The following DLG2 variants were observed in gnomAD, a reference collection of about 807,000 sequenced individuals.
DLG2 encodes discs large MAGUK scaffold protein 2.
Under a neutral mutation model 132.5 loss-of-function variants are expected in DLG2, and 45 were observed. The observed-to-expected ratio is 0.34, with a 90% CI of 0.27 to 0.44. The LOEUF is 0.44. Among genes scored for constraint, DLG2 ranks in the 20% least tolerant of loss-of-function variants. The pLI is 1.00. For synonymous variants in DLG2, 424 were observed against 419.6 expected (o/e 1.01, Z -0.13); for missense variants, 1,045 against 1,196.9 (o/e 0.87, Z 1.87).
chr11:84,375,387 T>A (rs1299060721), intron 7 of DLG2, among the ~76,000 whole-genome samples: 1 of 152,158 alleles, frequency 6.6e-6, no homozygotes, highest in South Asian at 2.1e-4. Context: ...AAACAATATA[T>A]ATAAAACTTA....
At chr11:84,271,178 G>A (rs2097717238) in intron 7 of DLG2, among the ~76,000 whole-genome samples, 1 of 152,164 alleles carries the variant, frequency 6.6e-6, no homozygotes, top group African/African-American at 2.4e-5. Flanking sequence ...TCATGAAATT[G>A]TGATGATATA....
chr11:84,688,092 T>C (rs1198225269), intron 6 of DLG2, among the ~76,000 whole-genome samples: 4 of 152,122 alleles, frequency 2.6e-5, no homozygotes, highest in African/African-American at 9.7e-5. Context: ...TCAGATGACT[T>C]AGCTAAATAG....
At chr11:84,103,768 T>C (rs1436977863) in intron 9 of DLG2, among the ~76,000 whole-genome samples, 1 of 152,168 alleles carries the variant, frequency 6.6e-6, no homozygotes, top group East Asian at 1.9e-4. Context: ...AAAGCCCCAC[T>C]TTTATTAAAA....
chr11:84,720,426 G>A (rs778897812), intron 6 of DLG2: 48 of 985,298 alleles, frequency 4.9e-5, no homozygotes, highest in Non-Finnish European at 5.3e-5. Flanking sequence ...GTGGCAGCTC[G>A]CTGGGGGACC....
At chr11:84,109,947 C>T (rs75210440) in intron 9 of DLG2, among the ~76,000 whole-genome samples, 2,552 of 152,226 alleles carry the variant, frequency 0.017, 75 homozygotes, top group African/African-American at 0.058. Flanking sequence ...GTTGATTCTA[C>T]CCCTGAAATA....
intron 16 of DLG2, among the ~76,000 whole-genome samples, chr11:83,872,155 C>T (rs1047205484): frequency 3.9e-5 from 6 of 152,044 alleles, no homozygotes; most frequent in Non-Finnish European, 7.4e-5. Flanking sequence ...CCCAGCTATT[C>T]GGGAGGCTGA....
At chr11:83,622,787 AT>A (rs532528268) in intron 19 of DLG2, among the ~76,000 whole-genome samples, 17 of 151,888 alleles carry the variant, frequency 1.1e-4, no homozygotes, top group Non-Finnish European at 2.1e-4. Context: ...TAAGATCTCA[AT>A]TTTTTTTGAA....
intron 18 of DLG2, among the ~76,000 whole-genome samples, chr11:83,646,360 A>AGT (rs200274999): frequency 4.7e-5 from 7 of 148,112 alleles, no homozygotes; most frequent in South Asian, 2.1e-4. Context: ...TATGAAACAG[A>AGT]GAGAGAGAGA....
chr11:84,375,641 A>T (rs1408310800), intron 7 of DLG2, among the ~76,000 whole-genome samples: 1 of 151,920 alleles, frequency 6.6e-6, no homozygotes, highest in Non-Finnish European at 1.5e-5. Context: ...ATTAACCTAA[A>T]GGTTGCCTTT....
chr11:85,176,667 T>C (rs2079269599), intron 4 of DLG2, among the ~76,000 whole-genome samples: 1 of 151,944 alleles, frequency 6.6e-6, no homozygotes, highest in Non-Finnish European at 1.5e-5. Context: ...ATCATCAGAG[T>C]GAACAGACAA....
chr11:85,528,242 G>C (rs770216791), intron 3 of DLG2, among the ~76,000 whole-genome samples: 5 of 152,122 alleles, frequency 3.3e-5, no homozygotes, highest in African/African-American at 4.8e-5. Flanking sequence ...TGGTGTGTTA[G>C]TCTTGAAGTC....
intron 6 of DLG2, among the ~76,000 whole-genome samples, chr11:84,759,526 C>A (rs968122626): frequency 3.9e-5 from 6 of 152,164 alleles, no homozygotes; most frequent in African/African-American, 9.7e-5. Context: ...TTATGATAAT[C>A]TATCTTCTTT....
At chr11:85,461,589 ATT>A (rs1028993379) in intron 3 of DLG2, among the ~76,000 whole-genome samples, 1 of 152,086 alleles carries the variant, frequency 6.6e-6, no homozygotes, top group Non-Finnish European at 1.5e-5. Flanking sequence ...GTACTCATTC[ATT>A]TTTTTAACAG....
At chr11:83,895,059 A>C (rs976280967) in intron 15 of DLG2, among the ~76,000 whole-genome samples, 21 of 151,994 alleles carry the variant, frequency 1.4e-4, no homozygotes, top group African/African-American at 5.1e-4. Flanking sequence ...TAAATACTTT[A>C]ATAGGATCAT....
chr11:85,305,224 G>T (rs1200260545), intron 3 of DLG2, among the ~76,000 whole-genome samples: 1 of 152,182 alleles, frequency 6.6e-6, no homozygotes, highest in African/African-American at 2.4e-5. Flanking sequence ...CTCTTTAAAT[G>T]TCACAGGCTA....
chr11:85,433,479 G>A (rs569097199), intron 3 of DLG2, among the ~76,000 whole-genome samples: 3 of 152,240 alleles, frequency 2.0e-5, no homozygotes, highest in African/African-American at 7.2e-5. Context: ...AATTTACCAA[G>A]CAAATGGAAA....
chr11:85,546,161 A>C (rs1301158963), intron 3 of DLG2, among the ~76,000 whole-genome samples: 1 of 152,120 alleles, frequency 6.6e-6, no homozygotes, highest in Non-Finnish European at 1.5e-5. Context: ...CACTGCTTTA[A>C]ATGTGTCCCA....
intron 7 of DLG2, among the ~76,000 whole-genome samples, chr11:84,328,213 A>C (rs1599951825): frequency 6.6e-6 from 1 of 152,108 alleles, no homozygotes; most frequent in Non-Finnish European, 1.5e-5. Flanking sequence ...ACATTATGGT[A>C]ATGAGTCATA....
intron 12 of DLG2, among the ~76,000 whole-genome samples, chr11:83,974,048 GA>G (rs2091823033): frequency 6.6e-6 from 1 of 152,074 alleles, no homozygotes; most frequent in South Asian, 2.1e-4. Flanking sequence ...AAGAATAAAT[GA>G]GGTGTTGTAG....
Sources: gnomAD v4.1 joint callset for allele counts (sites outside exome capture counted in the v4.1 genomes callset) on GRCh38, gnomAD v4.1.1 for gene constraint, MANE v1.5 for transcripts, NCBI Gene and HGNC (gene_info 2026-07-23, HGNC 2026-07-21) for gene names.